PLCB1: variants seen among roughly 807,000 people sequenced by gnomAD.
The protein encoded by PLCB1 is 1-phosphatidylinositol 4,5-bisphosphate phosphodiesterase beta-1.
Under a neutral mutation model 161.8 loss-of-function variants are expected in PLCB1, and 46 were observed. The ratio of observed to expected loss-of-function variants is 0.28; its 90% CI spans 0.22 to 0.36. The LOEUF is 0.36. Ranked by LOEUF, PLCB1 falls within the 10% of genes least tolerant of loss-of-function variation. PLCB1 has a pLI of 1.00. For missense variants in PLCB1, 1,016 were observed against 1,472.5 expected, an observed-to-expected ratio of 0.69 and a Z score of 5.07; for synonymous variants, 517 against 503.7, an observed-to-expected ratio of 1.03 and a Z score of -0.35.
intron 3 of PLCB1, among the ~76,000 whole-genome samples, chr20:8,579,717 AT>A (rs960022836): frequency 1.3e-5 from 2 of 151,164 alleles, no homozygotes; most frequent in Admixed American, 6.6e-5. Flanking sequence ...TTCTGTCTTC[AT>A]TTTTTTTTCC....
chr20:8,305,107 C>A (rs1159577723), intron 2 of PLCB1, among the ~76,000 whole-genome samples: 1 of 152,126 alleles, frequency 6.6e-6, no homozygotes, highest in East Asian at 1.9e-4. Context: ...TTGTTTGGTC[C>A]AGCACTTCCC....
chr20:8,323,424 T>C (rs1177231909), intron 2 of PLCB1, among the ~76,000 whole-genome samples: 1 of 152,258 alleles, frequency 6.6e-6, no homozygotes, highest in South Asian at 2.1e-4. Flanking sequence ...AGAGGATGCC[T>C]GGGGCTAGAG....
intron 4 of PLCB1, among the ~76,000 whole-genome samples, chr20:8,629,890 T>TCGCTC (rs1988502241): frequency 7.1e-6 from 1 of 140,130 alleles, no homozygotes; most frequent in African/African-American, 2.7e-5. Flanking sequence ...TCTCTCTTTC[T>TCGCTC]TTTCTTTCTT....
intron 3 of PLCB1, among the ~76,000 whole-genome samples, chr20:8,479,733 G>A (rs1196392178): frequency 6.6e-6 from 1 of 152,202 alleles, no homozygotes; most frequent in African/African-American, 2.4e-5. Flanking sequence ...AAATGTTAGT[G>A]GATGTAATGA....
intron 10 of PLCB1, among the ~76,000 whole-genome samples, chr20:8,695,668 C>G (rs181299391): frequency 3.3e-5 from 5 of 152,220 alleles, no homozygotes; most frequent in African/African-American, 1.2e-4. Flanking sequence ...CACCACTGCA[C>G]TCTAGCCTCG....
At chr20:8,223,799 G>A (rs1424329987) in intron 2 of PLCB1, among the ~76,000 whole-genome samples, 1 of 152,130 alleles carries the variant, frequency 6.6e-6, no homozygotes, top group Non-Finnish European at 1.5e-5. Context: ...TCCCCAACCT[G>A]ATTCAAAGAA....
intron 3 of PLCB1, among the ~76,000 whole-genome samples, chr20:8,495,336 C>G (rs934806477): frequency 1.3e-5 from 2 of 150,738 alleles, no homozygotes; most frequent in Middle Eastern, 3.5e-3. Context: ...TGGCTTCAGA[C>G]TCTGTACTTT....
At chr20:8,171,993 T>G (rs2051737336) in intron 2 of PLCB1, among the ~76,000 whole-genome samples, 1 of 151,898 alleles carries the variant, frequency 6.6e-6, no homozygotes, top group Non-Finnish European at 1.5e-5. Context: ...TATGTTCTAG[T>G]GCATTTTTTT....
chr20:8,194,122 C>A (rs923715747), intron 2 of PLCB1, among the ~76,000 whole-genome samples: 4 of 152,038 alleles, frequency 2.6e-5, no homozygotes, highest in Admixed American at 2.6e-4. Flanking sequence ...CTGTGTACAT[C>A]ACACTTATTT....
intron 2 of PLCB1, among the ~76,000 whole-genome samples, chr20:8,236,901 A>T (rs4437032): frequency 6.6e-6 from 1 of 152,162 alleles, no homozygotes; most frequent in African/African-American, 2.4e-5. Flanking sequence ...CAATAATCAA[A>T]GAAATACATA....
chr20:8,176,587 A>G (rs958523957), intron 2 of PLCB1, among the ~76,000 whole-genome samples: 4 of 152,130 alleles, frequency 2.6e-5, no homozygotes, highest in Non-Finnish European at 5.9e-5. Flanking sequence ...GAATACATGA[A>G]CCTACAGATG....
chr20:8,199,869 C>T (rs1311152265), intron 2 of PLCB1, among the ~76,000 whole-genome samples: 2 of 151,760 alleles, frequency 1.3e-5, no homozygotes, highest in Non-Finnish European at 2.9e-5. Context: ...TTATTTTATC[C>T]TCATAAAATT....
chr20:8,251,917 TGTGA>T (rs1422425541), intron 2 of PLCB1, among the ~76,000 whole-genome samples: 2 of 151,880 alleles, frequency 1.3e-5, no homozygotes, highest in Non-Finnish European at 2.9e-5. Context: ...GGAATCTGGG[TGTGA>T]GTATTTTCTC....
intron 2 of PLCB1, among the ~76,000 whole-genome samples, chr20:8,158,686 A>T (rs1600205749): frequency 6.6e-6 from 1 of 152,226 alleles, no homozygotes; most frequent in Non-Finnish European, 1.5e-5. Context: ...CTTTCTAGAT[A>T]CAATGGAGGT....
chr20:8,189,155 G>A (rs2051938529), intron 2 of PLCB1, among the ~76,000 whole-genome samples: 1 of 151,480 alleles, frequency 6.6e-6, no homozygotes, highest in Non-Finnish European at 1.5e-5. Flanking sequence ...GTCTGTGCCA[G>A]ACACAGAAAA....
At chr20:8,250,787 C>T (rs752314477) in intron 2 of PLCB1, among the ~76,000 whole-genome samples, 14 of 151,910 alleles carry the variant, frequency 9.2e-5, no homozygotes, top group East Asian at 1.9e-4. Context: ...TTGAGGCTGT[C>T]GGTCTACAAA....
In PLCB1 at chr20:8,788,492, A is replaced by G. The variant is rs1332276503; in HGVS notation, c.3155A>G (p.Asn1052Ser). The G allele has an allele frequency of 6.2e-7, 1 of 1,613,720 alleles. No homozygotes were observed. The highest frequency in any genetic ancestry group is 8.5e-7 in the Non-Finnish European group (1 of 1,179,926). ...GATGTCGCAGAAGAGTGTCAGAACA[A>G]TCAGTTAAAGAAGCTCAAAGAAATC... ...LTDVAEECQNNQLKKLKEICE... is the reference protein window; with the variant it reads ...LTDVAEECQNSQLKKLKEICE... Residue 1052 changes from asparagine to serine, a missense_variant, in exon 28 of 32, where the codon AAT (asparagine) becomes AGT (serine). Physicochemically the swap from Asn to Ser is conservative, Grantham distance 46 (BLOSUM62 1). Coordinates refer to ENST00000338037, the MANE Select transcript of PLCB1 (RefSeq NM_015192.4).
At chr20:8,511,673 C>T (rs1418040258) in intron 3 of PLCB1, among the ~76,000 whole-genome samples, 2 of 152,106 alleles carry the variant, frequency 1.3e-5, no homozygotes, top group East Asian at 3.9e-4. Context: ...TCCACATTCT[C>T]GCCAACGTTC....
At chr20:8,440,377 T>G (rs1356027217) in intron 3 of PLCB1, among the ~76,000 whole-genome samples, 1 of 152,228 alleles carries the variant, frequency 6.6e-6, no homozygotes, top group Non-Finnish European at 1.5e-5. Context: ...ATGTTTTTAT[T>G]GTCTGTAAAA....
Sources: gnomAD v4.1 joint callset for allele counts (sites outside exome capture counted in the v4.1 genomes callset) on GRCh38, gnomAD v4.1.1 for gene constraint, MANE v1.5 for transcripts, NCBI Gene and HGNC (gene_info 2026-07-23, HGNC 2026-07-21) for gene names.